CCDC171: variants seen among roughly 807,000 people sequenced by gnomAD.
The protein encoded by CCDC171 is coiled-coil domain containing 171.
Under a neutral mutation model 168.2 loss-of-function variants are expected in CCDC171, and 177 were observed. The observed-to-expected ratio is 1.05, with a 90% CI of 0.93 to 1.19. The LOEUF (loss-of-function observed/expected upper bound fraction) is 1.19. CCDC171 is among the 50% of genes most tolerant of loss of function. The pLI is 0.00. For missense variants in CCDC171, 1,991 were observed against 1,539.0 expected, an observed-to-expected ratio of 1.29 and a Z score of -4.91; for synonymous variants, 687 against 540.8, an observed-to-expected ratio of 1.27 and a Z score of -3.75.
chr9:15,938,748 G>A (rs1355060283), intron 25 of CCDC171, among the ~76,000 whole-genome samples: 2 of 151,690 alleles, frequency 1.3e-5, no homozygotes, highest in Non-Finnish European at 3.0e-5. Flanking sequence ...ATATTCTTTT[G>A]TTCTCCATGT....
the CCDC171 span, among the ~76,000 whole-genome samples, chr9:16,087,836 A>C: frequency 6.6e-6 from 1 of 152,002 alleles, no homozygotes; most frequent in African/African-American, 2.4e-5. Flanking sequence ...GTTTCTTCAT[A>C]GTGTCAATGG....
chr9:15,855,162 A>G (rs917294830), intron 23 of CCDC171, among the ~76,000 whole-genome samples: 2 of 151,696 alleles, frequency 1.3e-5, no homozygotes, highest in African/African-American at 4.8e-5. Context: ...TTCATTAGTG[A>G]AAGTATGATG....
chr9:15,712,745 C>T (rs1056229598), intron 11 of CCDC171, among the ~76,000 whole-genome samples: 1 of 152,154 alleles, frequency 6.6e-6, no homozygotes, highest in Non-Finnish European at 1.5e-5. Context: ...ATCATGGTCT[C>T]AGTGTTTGTT....
At chr9:15,562,349 A>G (rs1586971317) in intron 1 of CCDC171, among the ~76,000 whole-genome samples, 1 of 152,072 alleles carries the variant, frequency 6.6e-6, no homozygotes, top group East Asian at 1.9e-4. Context: ...TGCTAAGATA[A>G]AAGTCTTATA....
chr9:15,628,442 A>C (rs1219060518), intron 7 of CCDC171, among the ~76,000 whole-genome samples: 5 of 152,158 alleles, frequency 3.3e-5, no homozygotes, highest in Admixed American at 2.0e-4. Context: ...CAGCAGTCTG[A>C]GATCAAACTG....
intron 20 of CCDC171, among the ~76,000 whole-genome samples, chr9:15,782,638 G>T (rs928379492): frequency 5.3e-5 from 8 of 152,142 alleles, no homozygotes; most frequent in Non-Finnish European, 8.8e-5. Context: ...GCAAGGAGTG[G>T]TAATTTAAAA....
At chr9:15,745,678 A>G (rs760900663) in intron 18 of CCDC171, 47 bp downstream of exon 18, 2 of 1,087,264 alleles carry the variant, frequency 1.8e-6, no homozygotes, top group Non-Finnish European at 2.6e-6. Context: ...TTAAGAACAA[A>G]TATCCAGAAA....
chr9:15,666,077 C>G (rs1033993654), intron 8 of CCDC171, 86 bp from the exon 9 acceptor site: 1 of 1,160,076 alleles, frequency 8.6e-7, no homozygotes, highest in East Asian at 2.4e-5. Flanking sequence ...GAATGATAAT[C>G]TGTTACTGAC....
intron 2 of CCDC171, among the ~76,000 whole-genome samples, chr9:15,569,559 T>A (rs1365182506): frequency 6.6e-6 from 1 of 152,108 alleles, no homozygotes; most frequent in African/African-American, 2.4e-5. Flanking sequence ...CTCGCGCCTG[T>A]AATCCCAGCA....
chr9:16,058,042 G>GA (rs201883453), intron 1 of CCDC171, among the ~76,000 whole-genome samples: 4,572 of 145,722 alleles, frequency 0.031, 205 homozygotes, highest in African/African-American at 0.098. Flanking sequence ...TGAATTTTTT[G>GA]AAAAAAAAAA....
At chr9:15,716,161 A>T (rs1488620425) in intron 11 of CCDC171, among the ~76,000 whole-genome samples, 1 of 152,198 alleles carries the variant, frequency 6.6e-6, no homozygotes, top group Admixed American at 6.5e-5. Context: ...ACCACTTTAG[A>T]TACCTTATAT....
rs750397432 is a variant in CCDC171, at chr9:15,661,279, C to CA, written c.915+4081dup. Among the ~76,000 whole-genome samples the CA allele has an allele frequency of 9.8e-3, 226 of 23,016 alleles. 4 individuals are homozygous for CA. The highest frequency in any genetic ancestry group is 0.015 in the Admixed American group (29 of 1,872). 15.1% of individuals were successfully genotyped at this position (23,016 alleles called of 152,430 possible). A position where few individuals can be genotyped will look rare whatever the true frequency, so the allele number is the denominator to read the frequency against. On this transcript the variant is annotated intron_variant, in intron 8 of 25. Coordinates refer to ENST00000380701, the MANE Select transcript of CCDC171 (RefSeq NM_173550.4). ...TGGGCGACAGAGCGAGACTCCGTCT[C>CA]AAAAAAAAAAAAAAAAAAAAAGTAA...
chr9:15,664,490 C>G (rs528436766), intron 8 of CCDC171, among the ~76,000 whole-genome samples: 1 of 151,368 alleles, frequency 6.6e-6, no homozygotes, highest in Non-Finnish European at 1.5e-5. Context: ...CTCAAATGAT[C>G]TGCTCACCTT....
intron 20 of CCDC171, among the ~76,000 whole-genome samples, chr9:15,782,506 T>C (rs185419645): frequency 5.7e-4 from 87 of 152,212 alleles, no homozygotes; most frequent in Non-Finnish European, 1.1e-3. Context: ...TTTTGGAGGA[T>C]TGTGAAGGGA....
At chr9:15,909,062 T>C (rs1272389948) in intron 24 of CCDC171, among the ~76,000 whole-genome samples, 6 of 152,180 alleles carry the variant, frequency 3.9e-5, no homozygotes, top group Non-Finnish European at 7.4e-5. Flanking sequence ...ACGACTCCAA[T>C]TGAGTATATC....
At chr9:16,072,845 C>T in the CCDC171 span, among the ~76,000 whole-genome samples, 1 of 152,218 alleles carries the variant, frequency 6.6e-6, no homozygotes, top group Non-Finnish European at 1.5e-5. Context: ...TGCGTCTTAG[C>T]ATCAATCTTT....
intron 23 of CCDC171, among the ~76,000 whole-genome samples, chr9:15,873,146 A>G (rs1034491842): frequency 2.0e-5 from 3 of 152,074 alleles, no homozygotes; most frequent in South Asian, 4.1e-4. Flanking sequence ...AAGGATTTTT[A>G]TGCCCATAGA....
intron 21 of CCDC171, among the ~76,000 whole-genome samples, chr9:15,846,348 C>A (rs1428659682): frequency 6.6e-6 from 1 of 152,030 alleles, no homozygotes; most frequent in African/African-American, 2.4e-5. Flanking sequence ...AAAATTGACT[C>A]TAAATTTCAT....
the CCDC171 span, among the ~76,000 whole-genome samples, chr9:16,095,459 T>G: frequency 6.6e-6 from 1 of 152,138 alleles, no homozygotes; most frequent in South Asian, 2.1e-4. Flanking sequence ...CCACACTTTC[T>G]TTCTCTCTCC....
Sources: gnomAD v4.1 joint callset for allele counts (sites outside exome capture counted in the v4.1 genomes callset) on GRCh38, gnomAD v4.1.1 for gene constraint, MANE v1.5 for transcripts, NCBI Gene and HGNC (gene_info 2026-07-23, HGNC 2026-07-21) for gene names.